Variants in TTYH3 observed in about 807,000 individuals in gnomAD.
The protein encoded by TTYH3 is tweety family member 3.
Under a neutral mutation model 68.2 loss-of-function variants are expected in TTYH3, and 23 were observed. That is an observed-to-expected ratio of 0.34 (90% CI 0.24 to 0.48). TTYH3 has a LOEUF of 0.48. TTYH3 is among the 20% of genes least tolerant of loss of function. The probability of loss-of-function intolerance (pLI) is 0.99; values close to 1 mark genes in which losing one functional copy is unlikely to be tolerated. For synonymous variants in TTYH3, 360 were observed against 332.8 expected (o/e 1.08, Z -0.89); for missense variants, 768 against 727.7 (o/e 1.06, Z -0.64).
intron 13 of TTYH3, among the ~76,000 whole-genome samples, chr7:2,659,732 C>T (rs1353364991): frequency 1.3e-5 from 2 of 152,260 alleles, no homozygotes; most frequent in Admixed American, 6.5e-5. Flanking sequence ...GTCATGGTCC[C>T]CTGTAGCACA....
intron 5 of TTYH3, 99 bp from the exon 6 acceptor site, chr7:2,649,468 C>T (rs1786099274): frequency 1.6e-5 from 20 of 1,215,656 alleles, no homozygotes; most frequent in South Asian, 3.9e-5. Flanking sequence ...TGGGCTGACC[C>T]CTGATGTGCA....
chr7:2,644,670 C>G (rs542871565), intron 1 of TTYH3, among the ~76,000 whole-genome samples: 2 of 152,274 alleles, frequency 1.3e-5, no homozygotes, highest in South Asian at 4.1e-4. Flanking sequence ...AGGGTGCCCG[C>G]CCCTGATGCT....
chr7:2,659,835 G>A, intron 13 of TTYH3: 2 of 1,222,628 alleles, frequency 1.6e-6, no homozygotes, highest in Non-Finnish European at 2.1e-6. Flanking sequence ...CCTCGTCCTC[G>A]CCATCACACG....
intron 1 of TTYH3, among the ~76,000 whole-genome samples, chr7:2,642,505 G>A (rs1785872784): frequency 7.3e-6 from 1 of 136,066 alleles, no homozygotes; most frequent in African/African-American, 2.8e-5. Flanking sequence ...TCATGCCACT[G>A]CACTCCAGCC....
At position 2,647,999 on chromosome 7, in the gene TTYH3, A is replaced by C; in HGVS notation, c.667A>C (p.Ile223Leu). The C allele has an allele frequency of 6.2e-7, 1 of 1,610,982 alleles. No homozygotes were observed. Among genetic ancestry groups the C allele is most frequent in the Non-Finnish European group, 8.5e-7 (1 of 1,179,882 alleles). The part of the protein sequence containing the change: ...YLGLLLLDVI[I>L]CLLVLVGLIR... ...GGGCCTGCTGCTGCTGGACGTCATC[A>C]TCTGCCTCCTGGTGCTGGTTGGCCT... Residue 223 changes from isoleucine (I) to leucine (L), a missense_variant, in exon 5 of 14, where the codon ATC (isoleucine) becomes CTC (leucine). Ile to Leu is a conservative substitution (Grantham distance 5). Coordinates refer to ENST00000258796, the MANE Select transcript of TTYH3 (RefSeq NM_025250.3).
chr7:2,645,236 A>T lies in TTYH3; in HGVS notation c.124-1617A>T, dbSNP rs556845066. On this transcript the variant is annotated intron_variant, in intron 1 of 13. Coordinates refer to ENST00000258796, the MANE Select transcript of TTYH3 (RefSeq NM_025250.3). This position sits in a 1 kb window ranked among gnomAD's most constrained non-coding sequence, Gnocchi z 4.8. ...CACAGGAAGTGTGTGGAGGTTCTGG[A>T]GGGCTGAGCCGGGGGCAGGGCTATG... is the stretch of plus-strand genomic sequence containing the variant. Among the ~76,000 whole-genome samples the T allele has an allele frequency of 6.6e-6, 1 of 151,914 alleles. No individual in the cohort carries two copies. The highest frequency in any genetic ancestry group is 2.1e-4 in the South Asian group (1 of 4,798).
At chr7:2,653,972 C>T (rs1786263409) in intron 9 of TTYH3, among the ~76,000 whole-genome samples, 1 of 152,236 alleles carries the variant, frequency 6.6e-6, no homozygotes, top group African/African-American at 2.4e-5. Flanking sequence ...CCCACACACA[C>T]CGCCCCAGGA....
chr7:2,634,211 T>C (rs1785598871), intron 1 of TTYH3, among the ~76,000 whole-genome samples: 1 of 152,220 alleles, frequency 6.6e-6, no homozygotes, highest in Non-Finnish European at 1.5e-5. Context: ...GAGCTGGTCC[T>C]GGCGTGCGTC....
At chr7:2,650,927 G>GGGAGCGAGAGGGAC (rs1786157322) in intron 7 of TTYH3, among the ~76,000 whole-genome samples, 1 of 151,946 alleles carries the variant, frequency 6.6e-6, no homozygotes, top group Non-Finnish European at 1.5e-5. Flanking sequence ...GTTGGATGTA[G>GGGAGCGAGAGGGAC]GGAGCGAGAG....
intron 1 of TTYH3, among the ~76,000 whole-genome samples, chr7:2,633,782 G>A (rs1385820117): frequency 6.6e-6 from 1 of 152,232 alleles, no homozygotes; most frequent in Non-Finnish European, 1.5e-5. Context: ...GGCGTGGGGG[G>A]CGGCTGTTTC....
intron 1 of TTYH3, among the ~76,000 whole-genome samples, chr7:2,636,653 G>T (rs545487093): frequency 1.3e-5 from 2 of 152,300 alleles, no homozygotes; most frequent in Admixed American, 6.5e-5. Context: ...CCTGCATTGG[G>T]GGGTGGAGGT....
chr7:2,644,969 C>A (rs867418), intron 1 of TTYH3, among the ~76,000 whole-genome samples: 5 of 152,210 alleles, frequency 3.3e-5, no homozygotes, highest in Non-Finnish European at 7.4e-5. Context: ...CCATCTGCCC[C>A]AGCAGCTCCC....
At chr7:2,647,340 TG>T (rs975576510) in intron 3 of TTYH3, 77 bp from the exon 4 acceptor site, 4 of 1,505,368 alleles carry the variant, frequency 2.7e-6, no homozygotes, top group Non-Finnish European at 3.5e-6. Context: ...CAGCCGGGAC[TG>T]GGGCTGTGCA....
In TTYH3 at chr7:2,664,194, T is replaced by G. The variant is rs1786563448; in HGVS notation, c.*2455T>G. 1 of 152,620 alleles carries G rather than the reference T, an allele frequency of 6.6e-6. No individual in the cohort carries two copies. The highest frequency in any genetic ancestry group is 1.5e-5 in the Non-Finnish European group (1 of 68,082). The allele number at this position is 152,620 out of a possible 1,614,324, so 9.5% of individuals were successfully genotyped here. A position where few individuals can be genotyped will look rare whatever the true frequency, so the allele number is the denominator to read the frequency against. ...ATCCACTACCCCAGGGCCCCCCACA[T>G]GTCATGGCAAGGTTGGTAGTGAATG... On this transcript the variant is annotated 3_prime_UTR_variant, in exon 14 of 14. Coordinates refer to ENST00000258796, the MANE Select transcript of TTYH3 (RefSeq NM_025250.3).
At chr7:2,640,850 G>A (rs945133856) in intron 1 of TTYH3, among the ~76,000 whole-genome samples, 1 of 152,268 alleles carries the variant, frequency 6.6e-6, no homozygotes, top group African/African-American at 2.4e-5. Context: ...AGCAGGGCTG[G>A]GTTGGGGCCA....
intron 1 of TTYH3, among the ~76,000 whole-genome samples, chr7:2,642,037 T>C (rs1583559604): frequency 6.6e-6 from 1 of 152,340 alleles, no homozygotes; most frequent in Admixed American, 6.5e-5. Flanking sequence ...AAGCCTGGCC[T>C]CTGGCCCCCA....
At chr7:2,652,424 A>T (rs1243957525) in intron 8 of TTYH3, among the ~76,000 whole-genome samples, 182 bp downstream of exon 8, 1 of 152,164 alleles carries the variant, frequency 6.6e-6, no homozygotes, top group East Asian at 1.9e-4. Context: ...CATGCCGGTG[A>T]CCTGGTGACC....
At chr7:2,634,839 C>T (rs900853613) in intron 1 of TTYH3, among the ~76,000 whole-genome samples, 15 of 152,134 alleles carry the variant, frequency 9.9e-5, no homozygotes, top group African/African-American at 3.1e-4. Flanking sequence ...GTGGTGGGGC[C>T]GCAGCCCTGC....
chr7:2,663,763 C>G lies in TTYH3; in HGVS notation c.*2024C>G, dbSNP rs577668633. 3.3e-5 allele frequency: 5 copies of G among 152,846 alleles called. No homozygotes were observed. The East Asian group carries it at 9.4e-4, about 29-fold the overall frequency. The allele number at this position is 152,846 out of a possible 1,614,324, so 9.5% of individuals were successfully genotyped here. A position where few individuals can be genotyped will look rare whatever the true frequency, so the allele number is the denominator to read the frequency against. The stretch of plus-strand genomic sequence containing the variant: ...AGGTGAATGGACATAGCGTGAGAGG[C>G]GGTGAGGCCAGGGCTTCCAGCCTCG... On this transcript the variant is annotated 3_prime_UTR_variant, in exon 14 of 14. Coordinates refer to ENST00000258796, the MANE Select transcript of TTYH3 (RefSeq NM_025250.3).
Sources: allele counts gnomAD v4.1 joint callset (sites outside exome capture counted in the v4.1 genomes callset), GRCh38; gene constraint gnomAD v4.1.1; non-coding constraint Gnocchi (gnomAD v3.1); transcripts MANE v1.5; gene names NCBI Gene and HGNC (gene_info 2026-07-23, HGNC 2026-07-21).